Variants in TBC1D31 observed in about 807,000 individuals in gnomAD.
The protein encoded by TBC1D31 is WD repeat domain 67.
TBC1D31 carries 99 observed loss-of-function variants against 132.9 expected under a neutral mutation model. That is an observed-to-expected ratio of 0.74 (90% CI 0.63 to 0.88). The LOEUF (loss-of-function observed/expected upper bound fraction) is 0.88. Among genes scored for constraint, TBC1D31 ranks in the 40% least tolerant of loss-of-function variants. The probability of loss-of-function intolerance (pLI) is 0.00; values close to 1 mark genes in which losing one functional copy is unlikely to be tolerated. For missense variants in TBC1D31, 1,134 were observed against 1,256.6 expected, an observed-to-expected ratio of 0.90 and a Z score of 1.48; for synonymous variants, 385 against 419.4, an observed-to-expected ratio of 0.92 and a Z score of 1.00.
the TBC1D31 span, among the ~76,000 whole-genome samples, chr8:123,159,203 G>A: frequency 1.1e-3 from 159 of 151,354 alleles, no homozygotes; most frequent in African/African-American, 3.8e-3. Flanking sequence ...TCCCAGGACT[G>A]GCAAGCTACC....
At chr8:123,120,638 C>T (rs1319777821) in intron 11 of TBC1D31, among the ~76,000 whole-genome samples, 1 of 152,060 alleles carries the variant, frequency 6.6e-6, no homozygotes, top group East Asian at 1.9e-4. Flanking sequence ...CTCTACAGCA[C>T]TCCAGCCTGG....
rs1215989798 is a variant in TBC1D31, at chr8:123,112,580, T to TA, written c.1436+2961dup. Among the ~76,000 whole-genome samples the TA allele has an allele frequency of 4.6e-5, 7 of 152,340 alleles. No homozygotes were observed. The East Asian group carries it at 9.6e-4, about 21-fold the overall frequency. On this transcript the variant is annotated intron_variant, in intron 10 of 21. Coordinates refer to ENST00000287380, the MANE Select transcript of TBC1D31 (RefSeq NM_145647.4). The stretch of plus-strand genomic sequence containing the variant: ...TGTACAGAAATATTCATCTTTTTTT[T>TA]ATACCTGCATTATGCACCATTATTT...
Position 123,093,596 on chromosome 8 carries a change from C to G in TBC1D31, c.525C>G (p.Phe175Leu), listed in dbSNP as rs1816559764. Reference sequence around the variant, plus strand: ...CTTTCTCTATTCCTCCTTAGGTTTTCTTTCTACCATTAAGTAATACCATCC... The same window carrying G: ...CTTTCTCTATTCCTCCTTAGGTTTTGTTTCTACCATTAAGTAATACCATCC... ...IRQSVGIQKV[F>L]FLPLSNTILS... The change falls in exon 5 of 22, where the codon TTC becomes TTG. Residue 175 changes from phenylalanine (F) to leucine (L), a missense_variant. By Grantham distance (22) the Phe-to-Leu change is conservative. Transcript: ENST00000287380. The G allele has an allele frequency of 6.3e-7, 1 of 1,597,668 alleles. No homozygotes were observed. Among genetic ancestry groups the G allele is most frequent in the Non-Finnish European group, 8.5e-7 (1 of 1,169,778 alleles).
chr8:123,119,742 G>A (rs1819293279), intron 10 of TBC1D31, among the ~76,000 whole-genome samples: 1 of 152,040 alleles, frequency 6.6e-6, no homozygotes, highest in African/African-American at 2.4e-5. Flanking sequence ...AAGAAATGAA[G>A]GTGTATCGGT....
intron 2 of TBC1D31, 96 bp downstream of exon 2, chr8:123,077,353 A>C (rs920687457): frequency 2.4e-6 from 3 of 1,254,432 alleles, no homozygotes; most frequent in Non-Finnish European, 3.3e-6. Flanking sequence ...AGAAAGATTT[A>C]TTAAGTTCTA....
the TBC1D31 span, among the ~76,000 whole-genome samples, chr8:123,157,720 C>CAT: frequency 3.6e-3 from 34 of 9,360 alleles, 1 homozygote; most frequent in South Asian, 0.042. Flanking sequence ...CGCGCGCGCG[C>CAT]ACACACACAC....
intron 13 of TBC1D31, chr8:123,127,995 A>T (rs1158235733): frequency 4.7e-6 from 1 of 213,892 alleles, no homozygotes; most frequent in African/African-American, 2.3e-5. Flanking sequence ...GAAGAAAAAA[A>T]AAATCCAAGC....
At chr8:123,100,768 A>G (rs767231526) in intron 6 of TBC1D31, 39 bp from the exon 7 acceptor site, 13 of 1,504,202 alleles carry the variant, frequency 8.6e-6, no homozygotes, top group African/African-American at 1.4e-5. Context: ...GACATTGACT[A>G]TCACATGTTT....
intron 6 of TBC1D31, among the ~76,000 whole-genome samples, chr8:123,098,539 C>T (rs907252683): frequency 1.3e-5 from 2 of 152,222 alleles, no homozygotes; most frequent in African/African-American, 4.8e-5. Context: ...CCACCTGCCT[C>T]AGCCTCCCAA....
At chr8:123,092,349 G>C (rs997245504) in intron 4 of TBC1D31, among the ~76,000 whole-genome samples, 1 of 151,916 alleles carries the variant, frequency 6.6e-6, no homozygotes, top group Non-Finnish European at 1.5e-5. Flanking sequence ...GACTAATTTG[G>C]GAAGATATAT....
the TBC1D31 span, among the ~76,000 whole-genome samples, chr8:123,162,703 A>G: frequency 1.3e-5 from 2 of 152,226 alleles, no homozygotes; most frequent in Admixed American, 6.5e-5. Context: ...TTTCAATTGC[A>G]CGAATAATAT....
intron 1 of TBC1D31, among the ~76,000 whole-genome samples, chr8:123,075,225 AT>A (rs1814377187): frequency 6.6e-6 from 1 of 152,094 alleles, no homozygotes; most frequent in Non-Finnish European, 1.5e-5. Context: ...CTGTATGTTT[AT>A]TTTTGTGTTT....
chr8:123,097,584 C>A, intron 6 of TBC1D31, 143 bp downstream of exon 6: 1 of 1,012,666 alleles, frequency 9.9e-7, no homozygotes, highest in Non-Finnish European at 1.4e-6. Context: ...TGTGAAGAGT[C>A]TAGGATTGAA....
intron 13 of TBC1D31, chr8:123,127,794 T>C (rs1820214212): frequency 6.6e-6 from 1 of 152,340 alleles, no homozygotes; most frequent in African/African-American, 2.4e-5. Context: ...AGTTGGGTTC[T>C]TGTGTGTGTG....
intron 4 of TBC1D31, among the ~76,000 whole-genome samples, chr8:123,092,574 CG>C (rs2130137767): frequency 6.6e-6 from 1 of 152,150 alleles, no homozygotes; most frequent in African/African-American, 2.4e-5. Flanking sequence ...TACACTGCCA[CG>C]GGGAGTAATA....
chr8:123,144,782 T>C lies in TBC1D31; in HGVS notation c.2901T>C (p.Asp967=), dbSNP rs1822025984. Residue 967 remains aspartate, a synonymous_variant, in exon 20 of 22, where the codon GAT becomes GAC. Transcript: ENST00000287380. ...CAAAGAAAGCTTCTGCTCTTTCAGATGCGTCTAGAAAGTGGTTTTTAAAGC... is the reference window on the plus strand; with the variant it reads ...CAAAGAAAGCTTCTGCTCTTTCAGACGCGTCTAGAAAGTGGTTTTTAAAGC... The part of the protein sequence containing the change: ...RSAKKASALS[D]ASRKWFLKQE... 2 of 1,613,802 alleles carry C rather than the reference T, an allele frequency of 1.2e-6. No individual in the cohort carries two copies. The highest frequency in any genetic ancestry group is 2.2e-5 in the East Asian group (1 of 44,868).
At chr8:123,122,732 T>C (rs1426680286) in intron 11 of TBC1D31, among the ~76,000 whole-genome samples, 2 of 152,200 alleles carry the variant, frequency 1.3e-5, no homozygotes, top group African/African-American at 4.8e-5. Context: ...AAGAAATGGA[T>C]TGTAGTTAAT....
intron 4 of TBC1D31, among the ~76,000 whole-genome samples, chr8:123,086,848 C>T (rs926062506): frequency 2.6e-5 from 4 of 151,980 alleles, no homozygotes; most frequent in African/African-American, 9.7e-5. Context: ...CTCCTGAGTA[C>T]CTGGGATTAC....
chr8:123,084,102 T>C, intron 3 of TBC1D31, 60 bp from the exon 4 acceptor site: 5 of 1,417,522 alleles, frequency 3.5e-6, no homozygotes, highest in Non-Finnish European at 4.9e-6. Flanking sequence ...TGTTTATATG[T>C]AATGTTACTT....
Sources: allele counts gnomAD v4.1 joint callset (sites outside exome capture counted in the v4.1 genomes callset), GRCh38; gene constraint gnomAD v4.1.1; transcripts MANE v1.5; gene names NCBI Gene and HGNC (gene_info 2026-07-23, HGNC 2026-07-21).